Variants in LINGO2 observed in about 807,000 individuals in gnomAD.
LINGO2 encodes leucine-rich repeat and immunoglobulin-like domain-containing nogo receptor-interacting protein 2.
Under a neutral mutation model 30.6 loss-of-function variants are expected in LINGO2, and 14 were observed. The observed-to-expected ratio is 0.46, with a 90% CI of 0.30 to 0.72. The LOEUF (loss-of-function observed/expected upper bound fraction) is 0.72, where lower values mean the gene tolerates loss of function less well. Among genes scored for constraint, LINGO2 ranks in the 30% least tolerant of loss-of-function variants. The probability of loss-of-function intolerance (pLI) is 0.07; values close to 1 mark genes in which losing one functional copy is unlikely to be tolerated. For synonymous variants in LINGO2, 317 were observed against 288.5 expected, an observed-to-expected ratio of 1.10 and a Z score of -1.00; for missense variants, 729 against 751.7, an observed-to-expected ratio of 0.97 and a Z score of 0.35.
At chr9:28,534,662 T>A (rs776988396) in intron 1 of LINGO2, among the ~76,000 whole-genome samples, 1 of 152,148 alleles carries the variant, frequency 6.6e-6, no homozygotes, top group Non-Finnish European at 1.5e-5. Context: ...TTAAAAACTC[T>A]TAGATACTGA....
intron 4 of LINGO2, among the ~76,000 whole-genome samples, chr9:28,266,640 T>C (rs1423189062): frequency 1.3e-5 from 2 of 152,024 alleles, no homozygotes; most frequent in African/African-American, 4.8e-5. Context: ...TTTTTCCTAA[T>C]ATCGAATGCC....
At position 28,287,401 on chromosome 9, in the gene LINGO2, G is replaced by C. The variant is rs534780711; in HGVS notation, c.-87+7807C>G. 2.0e-5 allele frequency among the ~76,000 whole-genome samples: 3 copies of C among 152,256 alleles called. No individual in the cohort carries two copies. In the South Asian group the frequency reaches 6.2e-4, roughly 32 times the overall value. On this transcript the variant is annotated intron_variant, in intron 4 of 5. Transcript: ENST00000379992. The stretch of plus-strand genomic sequence containing the variant: ...TGACGTTCACTTTTTTGTGTGTTTT[G>C]TGTCTTCTTTAGGCTCCTTCCTCCA...
At chr9:28,730,140 A>G in the LINGO2 span, among the ~76,000 whole-genome samples, 1 of 152,202 alleles carries the variant, frequency 6.6e-6, no homozygotes, top group African/African-American at 2.4e-5. Flanking sequence ...CTACTCTTTC[A>G]CAGGAAACAT....
chr9:28,642,245 A>C (rs532277928), intron 1 of LINGO2, among the ~76,000 whole-genome samples: 1 of 152,298 alleles, frequency 6.6e-6, no homozygotes, highest in African/African-American at 2.4e-5. Flanking sequence ...GTGTCCTTAA[A>C]AAACCCCAAA....
chr9:29,024,496 C>T, the LINGO2 span, among the ~76,000 whole-genome samples: 5 of 152,032 alleles, frequency 3.3e-5, no homozygotes, highest in African/African-American at 1.2e-4. Context: ...CAAGTTACTG[C>T]TAATTTGACT....
chr9:28,049,381 A>AT (rs1031112070), intron 4 of LINGO2, among the ~76,000 whole-genome samples: 2 of 150,866 alleles, frequency 1.3e-5, no homozygotes, highest in Non-Finnish European at 2.9e-5. Flanking sequence ...CCAAGGTGGT[A>AT]TCAAATTCAA....
chr9:28,895,986 C>T, the LINGO2 span, among the ~76,000 whole-genome samples: 6 of 152,064 alleles, frequency 3.9e-5, no homozygotes, highest in Non-Finnish European at 8.8e-5. Flanking sequence ...ACATAAAGCA[C>T]TACCAAAATC....
the LINGO2 span, chr9:27,940,855 A>G: frequency 6.6e-6 from 1 of 152,202 alleles, no homozygotes; most frequent in Non-Finnish European, 1.5e-5. Context: ...TCATTATATT[A>G]TCTTCTTCCC....
At chr9:28,485,294 T>C (rs1323541894) in intron 1 of LINGO2, among the ~76,000 whole-genome samples, 1 of 152,150 alleles carries the variant, frequency 6.6e-6, no homozygotes, top group Non-Finnish European at 1.5e-5. Context: ...TACTTTATTA[T>C]ATACTATGAG....
the LINGO2 span, among the ~76,000 whole-genome samples, chr9:29,033,989 G>A: frequency 1.3e-5 from 2 of 152,042 alleles, no homozygotes; most frequent in East Asian, 3.9e-4. Context: ...GGCTGAAAGA[G>A]GAGAATCACT....
chr9:28,418,380 G>A (rs1281614003), intron 2 of LINGO2, among the ~76,000 whole-genome samples: 1 of 147,146 alleles, frequency 6.8e-6, no homozygotes, highest in East Asian at 2.1e-4. Context: ...CCATGTTCAA[G>A]ACATTCTCCT....
chr9:29,048,382 A>C, the LINGO2 span, among the ~76,000 whole-genome samples: 1 of 152,016 alleles, frequency 6.6e-6, no homozygotes, highest in Non-Finnish European at 1.5e-5. Context: ...ATATTGTTAA[A>C]ATGTCCACAC....
chr9:29,204,114 A>G, the LINGO2 span, among the ~76,000 whole-genome samples: 2 of 152,220 alleles, frequency 1.3e-5, no homozygotes, highest in African/African-American at 4.8e-5. Flanking sequence ...AGAAAAGAGT[A>G]TAATGACACA....
At chr9:28,530,731 T>C (rs7046717) in intron 1 of LINGO2, among the ~76,000 whole-genome samples, 4,537 of 152,176 alleles carry the variant, frequency 0.03, 237 homozygotes, top group African/African-American at 0.1. Context: ...TCAGTAATAT[T>C]AAAATGTTCA....
chr9:28,209,031 G>A (rs909582106), intron 4 of LINGO2, among the ~76,000 whole-genome samples: 8 of 151,894 alleles, frequency 5.3e-5, no homozygotes, highest in East Asian at 3.9e-4. Context: ...CATGTGTTCC[G>A]TATGTCATAT....
the LINGO2 span, among the ~76,000 whole-genome samples, chr9:28,825,665 T>C: frequency 2.0e-5 from 3 of 151,944 alleles, no homozygotes; most frequent in African/African-American, 7.3e-5. Flanking sequence ...TGCAGTAAAA[T>C]AGGCCTACCT....
the LINGO2 span, among the ~76,000 whole-genome samples, chr9:28,943,882 G>C: frequency 1.9e-4 from 29 of 152,172 alleles, no homozygotes; most frequent in Non-Finnish European, 1.6e-4. Flanking sequence ...AGTGAATCTT[G>C]TCGAGCTAAG....
chr9:29,188,203 AG>A, the LINGO2 span, among the ~76,000 whole-genome samples: 35 of 151,720 alleles, frequency 2.3e-4, no homozygotes, highest in Admixed American at 8.5e-4. Flanking sequence ...ACTTAAGAGT[AG>A]GGAGTGGTGA....
At chr9:28,133,203 A>G (rs1827424881) in intron 4 of LINGO2, among the ~76,000 whole-genome samples, 1 of 152,176 alleles carries the variant, frequency 6.6e-6, no homozygotes. Flanking sequence ...ATAAAATAAC[A>G]AAAAAAGAAT....
Sources: allele counts gnomAD v4.1 joint callset (sites outside exome capture counted in the v4.1 genomes callset), GRCh38; gene constraint gnomAD v4.1.1; transcripts MANE v1.5; gene names NCBI Gene and HGNC (gene_info 2026-07-23, HGNC 2026-07-21).